The following RAB40B variants were observed in gnomAD, a reference collection of about 807,000 sequenced individuals.
RAB40B encodes the protein ras-related protein Rab-40B.
A neutral mutation model predicts 24.0 loss-of-function variants in RAB40B; 21 were observed. That is an observed-to-expected ratio of 0.88 (90% CI 0.62 to 1.26). The LOEUF is 1.26. RAB40B is among the 50% of genes most tolerant of loss of function. RAB40B has a pLI of 0.00. For missense variants in RAB40B, 348 were observed against 390.5 expected (o/e 0.89, Z 0.92); for synonymous variants, 167 against 169.8 (o/e 0.98, Z 0.13).
At chr17:82,662,688 C>T (rs2046189566) in intron 2 of RAB40B, 1 of 985,106 alleles carries the variant, frequency 1.0e-6, no homozygotes, top group African/African-American at 1.7e-5. Context: ...GCCTCAGGGT[C>T]CTGCTGGGGC....
intron 1 of RAB40B, among the ~76,000 whole-genome samples, chr17:82,681,148 C>T (rs932089818): frequency 2.0e-5 from 3 of 150,994 alleles, no homozygotes; most frequent in Non-Finnish European, 2.9e-5. Context: ...CAAAACACTA[C>T]ATGTGGTAAT....
chr17:82,655,127 A>G lies in RAB40B; in HGVS notation c.*2736T>C, dbSNP rs2046078576. The G allele has an allele frequency of 6.6e-6, 1 of 152,108 alleles. No homozygotes were observed. Among genetic ancestry groups the G allele is most frequent in the African/African-American group, 2.4e-5 (1 of 41,400 alleles). The allele number at this position is 152,108 out of a possible 1,614,324, so 9.4% of individuals were successfully genotyped here. A position where few individuals can be genotyped will look rare whatever the true frequency, so the allele number is the denominator to read the frequency against. On this transcript the variant is annotated 3_prime_UTR_variant, in exon 6 of 6. Transcript: ENST00000571995. ...TGAGCGTAACTCACTTCCTTGTAGG[A>G]GTTTCCTGAGGCTGCCGTAACAATC...
chr17:82,665,618 G>A (rs2046245411), intron 1 of RAB40B, among the ~76,000 whole-genome samples: 1 of 152,122 alleles, frequency 6.6e-6, no homozygotes. Flanking sequence ...TGTCATCCCA[G>A]CACTTTGGGA....
At position 82,698,460 on chromosome 17, in the gene RAB40B, G is replaced by C; in HGVS notation, c.137C>G (p.Pro46Arg). Residue 46 changes from proline to arginine, a missense_variant, in exon 1 of 6, where the codon CCG (proline) becomes CGG (arginine). Physicochemically the swap from Pro to Arg is moderately radical, Grantham distance 103 (BLOSUM62 -2). Around this residue, in one of 3 missense-constraint regions of RAB40B, gnomAD observed 101 missense variants for 85.5 expected, o/e 1.18. Transcript: ENST00000571995. ...CGCCCTCCGCCCGCGCTCACCCGCC[G>C]GGTGGCCGTACGGGGACTCGGCCGC... is the stretch of plus-strand genomic sequence containing the variant. ...DGAAESPYGHPAGIDYKTTTI... is the reference protein window; with the variant it reads ...DGAAESPYGHRAGIDYKTTTI... 1 of 1,437,808 alleles carries C rather than the reference G, an allele frequency of 7.0e-7. No individual in the cohort carries two copies. Among genetic ancestry groups the C allele is most frequent in the Non-Finnish European group, 9.2e-7 (1 of 1,081,324 alleles). The allele number at this position is 1,437,808 out of a possible 1,614,324, so 89.1% of individuals were successfully genotyped here.
At chr17:82,677,707 G>A (rs910310910) in intron 1 of RAB40B, among the ~76,000 whole-genome samples, 8 of 152,204 alleles carry the variant, frequency 5.3e-5, no homozygotes, top group African/African-American at 1.9e-4. Flanking sequence ...CAGGTGGCCT[G>A]GCCCTACACA....
chr17:82,683,772 T>C, intron 1 of RAB40B, among the ~76,000 whole-genome samples: 1 of 132,066 alleles, frequency 7.6e-6, no homozygotes, highest in Admixed American at 9.1e-5. Flanking sequence ...ACCACTGCAC[T>C]CCAGCCTGGG....
chr17:82,662,633 AGAC>A lies in RAB40B; in HGVS notation c.204-1589_204-1587del, dbSNP rs370178602. On this transcript the variant is annotated intron_variant, in intron 2 of 5. Transcript: ENST00000571995. The stretch of plus-strand genomic sequence containing the variant: ...CCACGGTGGGAGTGTGACCTTGCTC[AGAC>A]GACAGTGTGGACAGAGCTGGCACCG... 33 of 985,326 alleles carry A rather than the reference AGAC, an allele frequency of 3.3e-5. No individual in the cohort carries two copies. The East Asian group carries it at 1.3e-3, about 37-fold the overall frequency. The allele number at this position is 985,326 out of a possible 1,614,324, so 61.0% of individuals were successfully genotyped here.
chr17:82,680,633 T>G (rs969717045), intron 1 of RAB40B, among the ~76,000 whole-genome samples: 5 of 152,246 alleles, frequency 3.3e-5, no homozygotes, highest in African/African-American at 1.2e-4. Context: ...TCACTGTTTA[T>G]GTATATATAT....
intron 1 of RAB40B, among the ~76,000 whole-genome samples, chr17:82,684,488 G>T (rs1165289199): frequency 6.6e-6 from 1 of 152,170 alleles, no homozygotes; most frequent in Non-Finnish European, 1.5e-5. Context: ...TCATAAACAT[G>T]CACAGTGGCT....
chr17:82,698,208 C>T (rs1337135260), intron 1 of RAB40B, among the ~76,000 whole-genome samples: 1 of 151,998 alleles, frequency 6.6e-6, no homozygotes, highest in South Asian at 2.1e-4. Flanking sequence ...GGGGGTGCAA[C>T]AGGGACGCCG....
intron 1 of RAB40B, among the ~76,000 whole-genome samples, chr17:82,678,879 GTTTTT>G (rs35848277): frequency 4.0e-5 from 4 of 99,164 alleles, no homozygotes; most frequent in Admixed American, 2.6e-4. Context: ...CCCTTTCTGC[GTTTTT>G]TTTTTTTTTT....
At position 82,658,699 on chromosome 17, in the gene RAB40B, G is replaced by A. The variant is rs774475381; in HGVS notation, c.357C>T (p.Val119=). The part of the protein sequence containing the change: ...IKEIDEHAPG[V]PKILVGNRLH... ...GGCGGTTCCCCACCAGGATCTTGGG[G>A]ACTCCGGGGGCATGCTAGCGGGCAG... Residue 119 remains valine, a synonymous_variant, in exon 5 of 6, where the codon GTC becomes GTT. Transcript: ENST00000571995. 1.2e-6 allele frequency: 2 copies of A among 1,609,920 alleles called. No homozygotes were observed. Among genetic ancestry groups the A allele is most frequent in the East Asian group, 2.2e-5 (1 of 44,798 alleles).
chr17:82,678,819 G>A (rs944880154), intron 1 of RAB40B, among the ~76,000 whole-genome samples: 2 of 150,502 alleles, frequency 1.3e-5, no homozygotes, highest in Non-Finnish European at 3.0e-5. Context: ...CACCTGCACC[G>A]TAAAATGCTC....
Position 82,675,902 on chromosome 17 carries a change from G to A in RAB40B, c.143-11346C>T, listed in dbSNP as rs145108946. On this transcript the variant is annotated intron_variant, in intron 1 of 5. Transcript: ENST00000571995. This position sits in a 1 kb window ranked among gnomAD's most constrained non-coding sequence, Gnocchi z 4.5. Reference sequence around the variant, plus strand: ...AAAAACAGTGCCCTCCATCTGCTACGTGGGTCCTTCTCACCAGGGGGGAGA... The same window carrying A: ...AAAAACAGTGCCCTCCATCTGCTACATGGGTCCTTCTCACCAGGGGGGAGA... 1.9e-3 allele frequency among the ~76,000 whole-genome samples: 296 copies of A among 152,180 alleles called. No homozygotes were observed. The highest frequency in any genetic ancestry group is 6.5e-3 in the African/African-American group (271 of 41,508).
intron 1 of RAB40B, among the ~76,000 whole-genome samples, chr17:82,683,015 C>T (rs547689749): frequency 2.0e-5 from 3 of 152,228 alleles, no homozygotes; most frequent in Admixed American, 6.5e-5. Context: ...TGGTGGCACA[C>T]GCCTGTAATC....
Position 82,658,487 on chromosome 17 carries a change from C to G in RAB40B, c.565+4G>C. Reference sequence around the variant, plus strand: ...GTGGCCCCCGGAATAGCCCCTGGGCCTACCCTTGCTCGGCCGCCAGAGCCG... The same window carrying G: ...GTGGCCCCCGGAATAGCCCCTGGGCGTACCCTTGCTCGGCCGCCAGAGCCG... On this transcript the variant is annotated splice_donor_region_variant and intron_variant, in intron 5 of 5. Coordinates refer to ENST00000571995, the MANE Select transcript of RAB40B (RefSeq NM_006822.3). 4 of 1,611,442 alleles carry G rather than the reference C, an allele frequency of 2.5e-6. No individual in the cohort carries two copies. The highest frequency in any genetic ancestry group is 3.4e-6 in the Non-Finnish European group (4 of 1,179,780).
In RAB40B at chr17:82,661,808, G is replaced by T. The variant is rs1245950678; in HGVS notation, c.204-761C>A. The T allele has an allele frequency of 6.8e-6, 4 of 590,188 alleles. No homozygotes were observed. The East Asian group carries it at 4.5e-4, about 67-fold the overall frequency. The allele number at this position is 590,188 out of a possible 1,614,324, so 36.6% of individuals were successfully genotyped here. The stretch of plus-strand genomic sequence containing the variant: ...AGGCTGAGGCAGGAGAATTGTTTGA[G>T]CCCGGCAGGCGGAGGTTGCAGTGAG... On this transcript the variant is annotated intron_variant, in intron 2 of 5. Transcript: ENST00000571995.
At chr17:82,672,879 G>T (rs769578411) in intron 1 of RAB40B, among the ~76,000 whole-genome samples, 8 of 152,188 alleles carry the variant, frequency 5.3e-5, no homozygotes, top group Non-Finnish European at 1.0e-4. Context: ...TTTCCTTCAT[G>T]TACGAATTTT....
At chr17:82,665,355 T>G (rs2046242230) in intron 1 of RAB40B, among the ~76,000 whole-genome samples, 1 of 151,946 alleles carries the variant, frequency 6.6e-6, no homozygotes, top group African/African-American at 2.4e-5. Flanking sequence ...CAGGCTCAAG[T>G]GATCCTCCCA....
Sources: gnomAD v4.1 joint callset for allele counts (sites outside exome capture counted in the v4.1 genomes callset) on GRCh38, gnomAD v4.1.1 for gene constraint, gnomAD v4.1.1 regional missense constraint, Gnocchi (gnomAD v3.1) non-coding constraint, MANE v1.5 for transcripts, NCBI Gene and HGNC (gene_info 2026-07-23, HGNC 2026-07-21) for gene names.